Variants in DNAAF2 observed in about 807,000 individuals in gnomAD.
DNAAF2 encodes the protein dynein axonemal assembly factor 2.
A neutral mutation model predicts 48.8 loss-of-function variants in DNAAF2; 58 were observed. The observed-to-expected ratio is 1.19, with a 90% CI of 0.96 to 1.48. DNAAF2 has a LOEUF of 1.48. DNAAF2 is among the 40% of genes most tolerant of loss of function. The probability of loss-of-function intolerance (pLI) is 0.00; values close to 1 mark genes in which losing one functional copy is unlikely to be tolerated. For missense variants in DNAAF2, 1,241 were observed against 1,116.1 expected (o/e 1.11, Z -1.59); for synonymous variants, 567 against 481.2 (o/e 1.18, Z -2.33).
Position 49,626,012 on chromosome 14 carries a change from T to C in DNAAF2, c.2044A>G (p.Lys682Glu). 6.4e-7 allele frequency: 1 copy of C among 1,570,148 alleles called. No individual in the cohort carries two copies. Among genetic ancestry groups the C allele is most frequent in the South Asian group, 1.2e-5 (1 of 82,458 alleles). Residue 682 changes from lysine to glutamate, a missense_variant, in exon 3 of 3, where the codon AAG becomes GAG. Coordinates refer to ENST00000298292, the MANE Select transcript of DNAAF2 (RefSeq NM_018139.3). ...ECSNSDQLQGKEERVNEESHL... is the reference protein window; with the variant it reads ...ECSNSDQLQGEEERVNEESHL... ...CTTTCTTCATTTACTCTTTCCTCCT[T>C]TCCTTGTAGCTGATCAGAGTTACTA...
Position 49,628,540 on chromosome 14 carries a change from C to T in DNAAF2, c.1864-385G>A, listed in dbSNP as rs149166223. ...TGCAATCTCGGCTCACTGCAACCTC[C>T]GCCTCCCAGGTTCAAGCAATTCTCC... On this transcript the variant is annotated intron_variant, in intron 1 of 2. Transcript: ENST00000298292. Among the ~76,000 whole-genome samples, 1,339 of 151,908 alleles carry T rather than the reference C, an allele frequency of 8.8e-3. 26 individuals carry two copies. Among genetic ancestry groups the T allele is most frequent in the African/African-American group, 0.03 (1,246 of 41,412 alleles).
In DNAAF2 at chr14:49,634,750, G is replaced by GC; in HGVS notation, c.399dup (p.Arg134AlafsTer60). On this transcript the variant is annotated frameshift_variant, in exon 1 of 3. Coordinates refer to ENST00000298292, the MANE Select transcript of DNAAF2 (RefSeq NM_018139.3). LOFTEE classifies it high-confidence loss of function. ...TAGACCATGTAGCGGCTGCTGCTGC[G>GC]CCCCGCGTACTCGCGGCCGGGCGCC... is the stretch of plus-strand genomic sequence containing the variant. 1 of 1,601,572 alleles carries GC rather than the reference G, an allele frequency of 6.2e-7. No individual in the cohort carries two copies. The highest frequency in any genetic ancestry group is 8.5e-7 in the Non-Finnish European group (1 of 1,177,836).
In DNAAF2 at chr14:49,625,415, T is replaced by TA. The variant is rs1566507319; in HGVS notation, c.*126dup. On this transcript the variant is annotated 3_prime_UTR_variant, in exon 3 of 3. Coordinates refer to ENST00000298292, the MANE Select transcript of DNAAF2 (RefSeq NM_018139.3). ...CATGAGAATCAAAATTGCAATTTTT[T>TA]AAAAAAAATTGCAAATTTTAATTTT... is the stretch of plus-strand genomic sequence containing the variant. The TA allele has an allele frequency of 2.5e-5, 18 of 728,082 alleles. No homozygotes were observed. The highest frequency in any genetic ancestry group is 6.1e-5 in the South Asian group (1 of 16,384). The allele number at this position is 728,082 out of a possible 1,614,324, so 45.1% of individuals were successfully genotyped here.
chr14:49,628,213 A>T, intron 1 of DNAAF2, 58 bp from the exon 2 acceptor site: 1 of 1,386,838 alleles, frequency 7.2e-7, no homozygotes, highest in Non-Finnish European at 9.9e-7. Flanking sequence ...CAACAGTTGT[A>T]TCTCAAAGCA....
chr14:49,634,900 C>T lies in DNAAF2; in HGVS notation c.250G>A (p.Gly84Arg). Residue 84 changes from glycine to arginine, a missense_variant, in exon 1 of 3, where the codon GGG (glycine) becomes AGG (arginine). Gly to Arg is a moderately radical substitution (Grantham distance 125, BLOSUM62 -2). Coordinates refer to ENST00000298292, the MANE Select transcript of DNAAF2 (RefSeq NM_018139.3). ...ACATTCACAAAGCAGCGCCGCGCCC[C>T]GTCCAGGCTGGTGCGCAGCACATGG... ...PGHVLRTSLD[G>R]ARRCFVNVCS... is the part of the protein sequence containing the mutation. 6.4e-7 allele frequency: 1 copy of T among 1,550,590 alleles called. No individual in the cohort carries two copies. The highest frequency in any genetic ancestry group is 2.4e-5 in the East Asian group (1 of 40,978).
rs557960968 is a variant in DNAAF2, at chr14:49,635,106, A to G, written c.44T>C (p.Leu15Pro). The change falls in exon 1 of 3, where the codon CTG (leucine) becomes CCG (proline). Residue 15 changes from leucine to proline, a missense_variant. Transcript: ENST00000298292. The part of the protein sequence containing the change: ...AASSSLEDLD[L>P]SGEEVQRLTS... Reference sequence around the variant, plus strand: ...GAGCCGCTGGACCTCCTCTCCGCTCAGGTCCAAGTCCTCCAGCGACGAGGA... The same window carrying G: ...GAGCCGCTGGACCTCCTCTCCGCTCGGGTCCAAGTCCTCCAGCGACGAGGA... 1.3e-6 allele frequency: 2 copies of G among 1,577,052 alleles called. No individual in the cohort carries two copies. The highest frequency in any genetic ancestry group is 2.3e-5 in the East Asian group (1 of 42,674).
At chr14:49,629,914 A>G (rs1418626176) in intron 1 of DNAAF2, 1 of 152,112 alleles carries the variant, frequency 6.6e-6, no homozygotes, top group Non-Finnish European at 1.5e-5. Context: ...TTTTGAATCT[A>G]TGCTCCAGAG....
At position 49,634,864 on chromosome 14, in the gene DNAAF2, C is replaced by T. The variant is rs1883297984; in HGVS notation, c.286G>A (p.Ala96Thr). Reference sequence around the variant, plus strand: ...CGGCTGCTGGGCGCGCCCACCAACGCGTTGCTGCAGACATTCACAAAGCAG... The same window carrying T: ...CGGCTGCTGGGCGCGCCCACCAACGTGTTGCTGCAGACATTCACAAAGCAG... Reference protein sequence around the residue: ...RRCFVNVCSNALVGAPSSRPG... With the variant: ...RRCFVNVCSNTLVGAPSSRPG... The change falls in exon 1 of 3, where the codon GCG becomes ACG. Residue 96 changes from alanine (A) to threonine (T), a missense_variant. Coordinates refer to ENST00000298292, the MANE Select transcript of DNAAF2 (RefSeq NM_018139.3). The T allele has an allele frequency of 1.9e-6, 3 of 1,547,506 alleles. No homozygotes were observed. Among genetic ancestry groups the T allele is most frequent in the African/African-American group, 2.7e-5 (2 of 73,014 alleles).
Position 49,635,018 on chromosome 14 carries a change from G to T in DNAAF2, c.132C>A (p.Thr44=). Residue 44 remains threonine, a synonymous_variant, in exon 1 of 3, where the codon ACC becomes ACA. Coordinates refer to ENST00000298292, the MANE Select transcript of DNAAF2 (RefSeq NM_018139.3). ...CGTAGCGCCGCCGGTTCTCCGGGTC[G>T]GTGAGCTCCTCGGCGTACTGGGAGA... ...RMFSQYAEEL[T]DPENRRRYEA... 2 of 1,571,692 alleles carry T rather than the reference G, an allele frequency of 1.3e-6. No homozygotes were observed. Among genetic ancestry groups the T allele is most frequent in the Admixed American group, 1.9e-5 (1 of 53,876 alleles).
chr14:49,631,981 T>C lies in DNAAF2; in HGVS notation c.1863+1306A>G, dbSNP rs1594606472. ...ATCAGCTTTAGAAAAATGTGATGATTAGTGAAGTAATTACAAATCTATTTC... is the reference window on the plus strand; with the variant it reads ...ATCAGCTTTAGAAAAATGTGATGATCAGTGAAGTAATTACAAATCTATTTC... On this transcript the variant is annotated intron_variant, in intron 1 of 2. Transcript: ENST00000298292. 2.0e-5 allele frequency among the ~76,000 whole-genome samples: 3 copies of C among 152,230 alleles called. No individual in the cohort carries two copies. In the South Asian group the frequency reaches 6.2e-4, roughly 31 times the overall value.
At chr14:49,631,074 A>G (rs1883150315) in intron 1 of DNAAF2, among the ~76,000 whole-genome samples, 2 of 152,146 alleles carry the variant, frequency 1.3e-5, no homozygotes, top group Admixed American at 1.3e-4. Flanking sequence ...ATTAAACAGT[A>G]TTTAAAATCG....
chr14:49,628,170 GAA>G lies in DNAAF2; in HGVS notation c.1864-17_1864-16del. 1 of 1,559,436 alleles carries G rather than the reference GAA, an allele frequency of 6.4e-7. No individual in the cohort carries two copies. The highest frequency in any genetic ancestry group is 8.7e-7 in the Non-Finnish European group (1 of 1,151,566). On this transcript the variant is annotated splice_polypyrimidine_tract_variant and intron_variant, in intron 1 of 2. Coordinates refer to ENST00000298292, the MANE Select transcript of DNAAF2 (RefSeq NM_018139.3). ...AATAACCTTTCCTAAAATAAAAAGG[GAA>G]AAAATATTCTGCCTAATAAGTCCCA...
chr14:49,634,379 C>T lies in DNAAF2; in HGVS notation c.771G>A (p.Val257=), dbSNP rs1346258501. The T allele has an allele frequency of 6.3e-7, 1 of 1,599,930 alleles. No individual in the cohort carries two copies. Among genetic ancestry groups the T allele is most frequent in the Non-Finnish European group, 8.5e-7 (1 of 1,173,014 alleles). The change falls in exon 1 of 3, where the codon GTG becomes GTA. Residue 257 remains valine, a synonymous_variant. Coordinates refer to ENST00000298292, the MANE Select transcript of DNAAF2 (RefSeq NM_018139.3). Reference sequence around the variant, plus strand: ...GGAGGTCCACGTGGTGGCGCTGCACCACGCTGTAGCGAGGCTCGGTGGGGG... The same window carrying T: ...GGAGGTCCACGTGGTGGCGCTGCACTACGCTGTAGCGAGGCTCGGTGGGGG... ...QPAPTEPRYS[V]VQRHHVDLQD... is the part of the protein sequence containing the mutation.
Position 49,635,052 on chromosome 14 carries a change from CG to C in DNAAF2, c.97del (p.Arg33GlyfsTer27), listed in dbSNP as rs1883308666. 1.3e-6 allele frequency: 2 copies of C among 1,584,394 alleles called. No homozygotes were observed. The highest frequency in any genetic ancestry group is 1.8e-5 in the Admixed American group (1 of 55,856). ...CTCGGCGTACTGGGAGAACATTCGCCGGAACTCCGGGTCCTGGAAGGCGGAG... is the reference window on the plus strand; with the variant it reads ...CTCGGCGTACTGGGAGAACATTCGCCGAACTCCGGGTCCTGGAAGGCGGAG... Reference protein sequence around the residue: ...LTSAFQDPEFRRMFSQYAEEL... With the variant: ...LTSAFQDPEFXRMFSQYAEEL... On this transcript the variant is annotated frameshift_variant, in exon 1 of 3. Transcript: ENST00000298292. LOFTEE classifies it high-confidence loss of function.
rs951646029 is a variant in DNAAF2, at chr14:49,628,443, C to CT, written c.1864-289dup. On this transcript the variant is annotated intron_variant, in intron 1 of 2. Transcript: ENST00000298292. ...ACCTGACCTTTTAGTATTTTTCTTT[C>CT]TTTTTTTGTTTCTTTTGTTTTGTTT... Among the ~76,000 whole-genome samples the CT allele has an allele frequency of 4.9e-4, 74 of 152,038 alleles. 1 individual carries two copies. Among genetic ancestry groups the CT allele is most frequent in the African/African-American group, 1.5e-3 (61 of 41,498 alleles).
At position 49,634,260 on chromosome 14, in the gene DNAAF2, T is replaced by G; in HGVS notation, c.890A>C (p.Gln297Pro). The G allele has an allele frequency of 6.2e-7, 1 of 1,612,316 alleles. No homozygotes were observed. Among genetic ancestry groups the G allele is most frequent in the Non-Finnish European group, 8.5e-7 (1 of 1,179,784 alleles). ...IELPLLRSAE[Q>P]AALEVTRKLL... ...CTTTCTCGTTACCTCCAGCGCCGCC[T>G]GCTCGGCCGAGCGCAACAGCGGCAG... The change falls in exon 1 of 3, where the codon CAG (glutamine) becomes CCG (proline). Residue 297 changes from glutamine to proline, a missense_variant. Physicochemically the swap from Gln to Pro is moderately conservative, Grantham distance 76 (BLOSUM62 -1). Transcript: ENST00000298292.
At position 49,633,683 on chromosome 14, in the gene DNAAF2, A is replaced by G. The variant is rs201056459; in HGVS notation, c.1467T>C (p.Asp489=). ...SSAGRESARG[D]SSVETREESE... is the part of the protein sequence containing the mutation. ...ACTCCTCGCGTGTTTCCACACTGCT[A>G]TCTCCGCGCGCACTCTCTCTTCCCG... The change falls in exon 1 of 3, where the codon GAT becomes GAC. Residue 489 remains aspartate, a synonymous_variant. Coordinates refer to ENST00000298292, the MANE Select transcript of DNAAF2 (RefSeq NM_018139.3). 105 of 1,607,164 alleles carry G rather than the reference A, an allele frequency of 6.5e-5. 1 individual carries two copies. In the South Asian group the frequency reaches 8.9e-4, roughly 14 times the overall value.
At chr14:49,632,498 T>C (rs566704398) in intron 1 of DNAAF2, among the ~76,000 whole-genome samples, 55 of 151,822 alleles carry the variant, frequency 3.6e-4, no homozygotes, top group African/African-American at 1.3e-3. Context: ...CAGGCTGGAG[T>C]GCAGTAGCAT....
chr14:49,628,296 T>C, intron 1 of DNAAF2, 141 bp from the exon 2 acceptor site: 1 of 743,834 alleles, frequency 1.3e-6, no homozygotes, highest in Non-Finnish European at 2.1e-6. Context: ...TCCTATGAGC[T>C]GTCTTAGAAA....
Sources: gnomAD v4.1 joint callset for allele counts (sites outside exome capture counted in the v4.1 genomes callset) on GRCh38, gnomAD v4.1.1 for gene constraint, MANE v1.5 for transcripts, NCBI Gene and HGNC (gene_info 2026-07-23, HGNC 2026-07-21) for gene names.